Variants in BCAS1 observed in about 807,000 individuals in gnomAD.
The protein encoded by BCAS1 is brain enriched myelin associated protein 1.
BCAS1 carries 46 observed loss-of-function variants against 65.4 expected under a neutral mutation model. The observed-to-expected ratio is 0.70, with a 90% CI of 0.55 to 0.90. The LOEUF (loss-of-function observed/expected upper bound fraction) is 0.90, where lower values mean the gene tolerates loss of function less well. Among genes scored for constraint, BCAS1 ranks in the 40% least tolerant of loss-of-function variants. The pLI, the probability that BCAS1 is intolerant of heterozygous loss-of-function variation, is 0.00. For missense variants in BCAS1, 793 were observed against 771.2 expected, an observed-to-expected ratio of 1.03 and a Z score of -0.33; for synonymous variants, 298 against 293.5, an observed-to-expected ratio of 1.02 and a Z score of -0.16.
chr20:53,987,944 C>T (rs1371053442), intron 7 of BCAS1, among the ~76,000 whole-genome samples: 1 of 152,176 alleles, frequency 6.6e-6, no homozygotes. Flanking sequence ...CAACAACAAC[C>T]TCTCCTTCTG....
In BCAS1 at chr20:54,026,832, C is replaced by A. The variant is rs540002154; in HGVS notation, c.723+1560G>T. Among the ~76,000 whole-genome samples, 4 of 152,384 alleles carry A rather than the reference C, an allele frequency of 2.6e-5. No individual in the cohort carries two copies. The South Asian group carries it at 6.2e-4, about 24-fold the overall frequency. ...CCCTGGGCCATGGAGCCCAGTTCTC[C>A]TGGCATCTGGCATCTCCCCCACACT... On this transcript the variant is annotated intron_variant, in intron 4 of 12. Transcript: ENST00000688948.
At position 53,995,058 on chromosome 20, in the gene BCAS1, T is replaced by C; in HGVS notation, c.883-2A>G. Reference sequence around the variant, plus strand: ...TGTTTCAGCTTTGTTAGGTGAAACCTTAAAAGTTTGAGAAAGCCAAATATT... The same window carrying C: ...TGTTTCAGCTTTGTTAGGTGAAACCCTAAAAGTTTGAGAAAGCCAAATATT... On this transcript the variant is annotated splice_acceptor_variant, in intron 5 of 12. Coordinates refer to ENST00000688948, the MANE Select transcript of BCAS1 (RefSeq NM_001366298.2). LOFTEE classifies it high-confidence loss of function. The C allele has an allele frequency of 6.2e-7, 1 of 1,612,818 alleles. No homozygotes were observed.
At chr20:54,052,598 G>C (rs1297467496) in intron 3 of BCAS1, among the ~76,000 whole-genome samples, 2 of 152,156 alleles carry the variant, frequency 1.3e-5, no homozygotes, top group Non-Finnish European at 2.9e-5. Flanking sequence ...TGGAATTATA[G>C]ACTTTATAAA....
chr20:54,011,483 T>TG (rs34797466), intron 4 of BCAS1, among the ~76,000 whole-genome samples: 60,223 of 151,972 alleles, frequency 0.4, 12,974 homozygotes, highest in East Asian at 0.72. Context: ...AATAAGCACA[T>TG]AAAGATGTTC....
chr20:54,037,724 T>C (rs1382530157), intron 3 of BCAS1, among the ~76,000 whole-genome samples: 1 of 151,336 alleles, frequency 6.6e-6, no homozygotes, highest in African/African-American at 2.4e-5. Context: ...TCTAATGTTG[T>C]CCAGCTAATG....
intron 8 of BCAS1, among the ~76,000 whole-genome samples, chr20:53,983,140 C>T (rs1403668292): frequency 6.6e-6 from 1 of 152,138 alleles, no homozygotes; most frequent in Non-Finnish European, 1.5e-5. Context: ...AAAGAAGAAC[C>T]ACTGTATCTC....
At chr20:54,046,126 A>G (rs139277138) in intron 3 of BCAS1, among the ~76,000 whole-genome samples, 2 of 152,240 alleles carry the variant, frequency 1.3e-5, no homozygotes, top group African/African-American at 2.4e-5. Flanking sequence ...AATAAAATAC[A>G]AAGAATTAAA....
chr20:53,964,660 A>G (rs2089979048), intron 10 of BCAS1, among the ~76,000 whole-genome samples: 1 of 152,242 alleles, frequency 6.6e-6, no homozygotes, highest in South Asian at 2.1e-4. Flanking sequence ...CTCAGAATTT[A>G]GACTTACCCA....
At chr20:53,946,556 T>A (rs1474855806) in intron 12 of BCAS1, among the ~76,000 whole-genome samples, 1 of 150,956 alleles carries the variant, frequency 6.6e-6, no homozygotes, top group Admixed American at 6.6e-5. Context: ...TATAGAGTAG[T>A]ATAATAACGT....
intron 10 of BCAS1, among the ~76,000 whole-genome samples, chr20:53,958,524 A>G (rs2089774990): frequency 6.6e-6 from 1 of 152,258 alleles, no homozygotes; most frequent in Non-Finnish European, 1.5e-5. Context: ...GACCGTAAGA[A>G]TCCACAACAC....
intron 3 of BCAS1, among the ~76,000 whole-genome samples, chr20:54,029,522 C>T (rs558081495): frequency 6.6e-5 from 10 of 152,294 alleles, no homozygotes; most frequent in Admixed American, 1.3e-4. Flanking sequence ...CTAAATGTCC[C>T]CTGGAGGACA....
At chr20:54,059,162 G>A (rs1049244350) in intron 1 of BCAS1, among the ~76,000 whole-genome samples, 1 of 152,078 alleles carries the variant, frequency 6.6e-6, no homozygotes, top group Non-Finnish European at 1.5e-5. Context: ...GGGATTATGA[G>A]GATTACAATT....
At chr20:53,964,868 T>A (rs2089985157) in intron 10 of BCAS1, among the ~76,000 whole-genome samples, 1 of 151,878 alleles carries the variant, frequency 6.6e-6, no homozygotes, top group Admixed American at 6.6e-5. Context: ...AGGAGCTTCA[T>A]GTTGGTTATT....
chr20:53,946,520 T>TATATATATAC (rs879781278), intron 12 of BCAS1, among the ~76,000 whole-genome samples: 3 of 125,880 alleles, frequency 2.4e-5, no homozygotes, highest in African/African-American at 3.5e-5. Flanking sequence ...TATATATATA[T>TATATATATAC]ACACACACAC....
chr20:53,983,699 C>T (rs543625277), intron 8 of BCAS1, among the ~76,000 whole-genome samples: 14 of 152,298 alleles, frequency 9.2e-5, no homozygotes, highest in African/African-American at 2.4e-4. Context: ...CCATTCATTC[C>T]GGTCCAGTGT....
chr20:53,978,569 T>C lies in BCAS1; in HGVS notation c.1276-3139A>G, dbSNP rs572967710. 3.3e-5 allele frequency among the ~76,000 whole-genome samples: 5 copies of C among 152,320 alleles called. No homozygotes were observed. In the South Asian group the frequency reaches 1.0e-3, roughly 32 times the overall value. On this transcript the variant is annotated intron_variant, in intron 8 of 12. Coordinates refer to ENST00000688948, the MANE Select transcript of BCAS1 (RefSeq NM_001366298.2). Reference sequence around the variant, plus strand: ...CTGTGAATATCAAGAAGAGACTTCTTATAGAATGAAAACAGGAGATAAATG... The same window carrying C: ...CTGTGAATATCAAGAAGAGACTTCTCATAGAATGAAAACAGGAGATAAATG...
chr20:53,985,502 A>G lies in BCAS1; in HGVS notation c.1063-3T>C, dbSNP rs2090593944. The G allele has an allele frequency of 3.1e-6, 5 of 1,611,580 alleles. No homozygotes were observed. Among genetic ancestry groups the G allele is most frequent in the Non-Finnish European group, 2.5e-6 (3 of 1,179,072 alleles). ...GTGGTGGGTGACTTTTCAGCACCCT[A>G]AAGAGTTAAAAAAAATGGAGGGAAA... On this transcript the variant is annotated splice_region_variant and splice_polypyrimidine_tract_variant and intron_variant, in intron 7 of 12. Transcript: ENST00000688948.
At chr20:54,025,827 T>C (rs1341961402) in intron 4 of BCAS1, among the ~76,000 whole-genome samples, 1 of 152,070 alleles carries the variant, frequency 6.6e-6, no homozygotes, top group African/African-American at 2.4e-5. Flanking sequence ...ATTGTCCCAT[T>C]ACATTTATAG....
At chr20:54,032,685 T>A (rs6091812) in intron 3 of BCAS1, among the ~76,000 whole-genome samples, 29,243 of 150,506 alleles carry the variant, frequency 0.19, 3,601 homozygotes, top group East Asian at 0.31. Flanking sequence ...CTAGTTGCCG[T>A]CAAAACAGAC....
Sources: allele counts gnomAD v4.1 joint callset (sites outside exome capture counted in the v4.1 genomes callset), GRCh38; gene constraint gnomAD v4.1.1; transcripts MANE v1.5; gene names NCBI Gene and HGNC (gene_info 2026-07-23, HGNC 2026-07-21).